Variants in DIS3L2 observed in about 807,000 individuals in gnomAD.
The protein encoded by DIS3L2 is DIS3-like exonuclease 2.
Under a neutral mutation model 97.5 loss-of-function variants are expected in DIS3L2, and 34 were observed. The ratio of observed to expected loss-of-function variants is 0.35; its 90% CI spans 0.27 to 0.46. The LOEUF (loss-of-function observed/expected upper bound fraction) is 0.46, where lower values mean the gene tolerates loss of function less well. Among genes scored for constraint, DIS3L2 ranks in the 20% least tolerant of loss-of-function variants. The pLI is 1.00. For synonymous variants in DIS3L2, 435 were observed against 445.2 expected (o/e 0.98, Z 0.29); for missense variants, 1,038 against 1,146.0 (o/e 0.91, Z 1.36).
chr2:232,000,992 T>C (rs935811593), intron 1 of DIS3L2, among the ~76,000 whole-genome samples: 2 of 152,106 alleles, frequency 1.3e-5, no homozygotes, highest in African/African-American at 2.4e-5. Context: ...TCTTGGCTAT[T>C]GAGAATAATA....
intron 9 of DIS3L2, among the ~76,000 whole-genome samples, chr2:232,170,855 G>C (rs1690965740): frequency 6.6e-6 from 1 of 152,082 alleles, no homozygotes; most frequent in Admixed American, 6.6e-5. Flanking sequence ...TGTCACTCCA[G>C]GTAAAACCAA....
At position 231,975,995 on chromosome 2, in the gene DIS3L2, T is replaced by TAC. The variant is rs200951402; in HGVS notation, c.-94+14243_-94+14244dup. Among the ~76,000 whole-genome samples, 223 of 151,274 alleles carry TAC rather than the reference T, an allele frequency of 1.5e-3. 1 individual carries two copies. The highest frequency in any genetic ancestry group is 4.9e-3 in the African/African-American group (203 of 41,284). On this transcript the variant is annotated intron_variant, in intron 1 of 20. Transcript: ENST00000325385. Reference sequence around the variant, plus strand: ...TTTCTCTCTTAGACATACACACACATACACACACACACACCCCTGTTTAAG... The same window carrying TAC: ...TTTCTCTCTTAGACATACACACACATACACACACACACACACCCCTGTTTAAG...
chr2:232,329,880 G>A lies in DIS3L2; in HGVS notation c.1807G>A (p.Glu603Lys), dbSNP rs779500558. The A allele has an allele frequency of 3.5e-5, 50 of 1,421,104 alleles. 2 individuals are homozygous for A. Among genetic ancestry groups the A allele is most frequent in the Middle Eastern group, 2.0e-4 (1 of 5,058 alleles). 88.0% of individuals were successfully genotyped at this position (1,421,104 alleles called of 1,614,324 possible). A position where few individuals can be genotyped will look rare whatever the true frequency, so the allele number is the denominator to read the frequency against. ...CCACAAGATCCACCGCGCCTTCCCC[G>A]AGCAGGCCCTGCTGCGCCGGCACCC... ...VAHKIHRAFP[E>K]QALLRRHPPP... Residue 603 changes from glutamate (E) to lysine (K), a missense_variant, in exon 15 of 21, where the codon GAG becomes AAG. Coordinates refer to ENST00000325385, the MANE Select transcript of DIS3L2 (RefSeq NM_152383.5).
intron 1 of DIS3L2, among the ~76,000 whole-genome samples, chr2:231,964,012 CCTGA>C (rs1465540837): frequency 1.3e-5 from 2 of 152,308 alleles, no homozygotes; most frequent in Non-Finnish European, 2.9e-5. Flanking sequence ...AGCTACTGTG[CCTGA>C]CTGAGGTCTT....
chr2:232,049,070 G>A (rs1218647117), intron 5 of DIS3L2, among the ~76,000 whole-genome samples: 2 of 152,106 alleles, frequency 1.3e-5, no homozygotes, highest in Non-Finnish European at 2.9e-5. Flanking sequence ...CACATGGAAT[G>A]CATTCAGTGA....
intron 9 of DIS3L2, among the ~76,000 whole-genome samples, chr2:232,181,016 A>G (rs1574929460): frequency 1.4e-5 from 1 of 71,158 alleles, no homozygotes; most frequent in Non-Finnish European, 2.7e-5. Flanking sequence ...GGTGGTGACA[A>G]AATCTCTCAG....
chr2:232,327,040 C>T (rs569176964), intron 14 of DIS3L2, among the ~76,000 whole-genome samples: 6 of 152,286 alleles, frequency 3.9e-5, no homozygotes, highest in African/African-American at 7.2e-5. Flanking sequence ...TCCTTGTCCT[C>T]GTGTTTACTG....
intron 10 of DIS3L2, among the ~76,000 whole-genome samples, chr2:232,224,126 T>C (rs1692577734): frequency 6.6e-6 from 1 of 152,138 alleles, no homozygotes; most frequent in African/African-American, 2.4e-5. Context: ...TATGCTGAAA[T>C]AATAAATGTT....
chr2:232,053,678 T>C (rs1399001416), intron 5 of DIS3L2, among the ~76,000 whole-genome samples: 1 of 152,196 alleles, frequency 6.6e-6, no homozygotes, highest in Non-Finnish European at 1.5e-5. Context: ...TACCAGTTTA[T>C]TATAAAGGAT....
At chr2:232,341,964 T>A (rs764185459), downstream of DIS3L2, among the ~76,000 whole-genome samples, 3 of 152,186 alleles carry the variant, frequency 2.0e-5, no homozygotes, top group African/African-American at 4.8e-5. Context: ...GAGGCCTCAG[T>A]ACACACAGGC....
At chr2:232,231,066 G>A (rs1692779499) in intron 10 of DIS3L2, among the ~76,000 whole-genome samples, 1 of 152,102 alleles carries the variant, frequency 6.6e-6, no homozygotes, top group Non-Finnish European at 1.5e-5. Flanking sequence ...CCAGACATTC[G>A]CTGTTTTATT....
In DIS3L2 at chr2:232,177,392, C is replaced by T. The variant is rs1327713137; in HGVS notation, c.1124+13760C>T. ...CCTGAGGAATCGCCACACTGACTTC[C>T]ACAATGGTTGAACTAGTTTACAGTC... On this transcript the variant is annotated intron_variant, in intron 9 of 20. Coordinates refer to ENST00000325385, the MANE Select transcript of DIS3L2 (RefSeq NM_152383.5). Among the ~76,000 whole-genome samples the T allele has an allele frequency of 1.2e-3, 126 of 105,548 alleles. 1 individual carries two copies. Among genetic ancestry groups the T allele is most frequent in the African/African-American group, 4.5e-3 (119 of 26,724 alleles). The allele number at this position is 105,548 out of a possible 152,430, so 69.2% of individuals were successfully genotyped here. A position where few individuals can be genotyped will look rare whatever the true frequency, so the allele number is the denominator to read the frequency against.
intron 13 of DIS3L2, among the ~76,000 whole-genome samples, chr2:232,270,184 C>G (rs906822792): frequency 1.3e-5 from 2 of 152,024 alleles, no homozygotes; most frequent in Non-Finnish European, 1.5e-5. Context: ...CTCTCCGGTC[C>G]CCTCTTCTTC....
At chr2:232,220,352 A>C (rs572565576) in intron 10 of DIS3L2, among the ~76,000 whole-genome samples, 4 of 151,988 alleles carry the variant, frequency 2.6e-5, no homozygotes, top group South Asian at 4.2e-4. Flanking sequence ...ATAAATAAAT[A>C]AATAAACAAA....
intron 1 of DIS3L2, among the ~76,000 whole-genome samples, chr2:231,980,019 C>G (rs753563274): frequency 4.6e-5 from 7 of 152,114 alleles, no homozygotes; most frequent in Non-Finnish European, 7.4e-5. Context: ...CTCTCTGTTT[C>G]CTTCTAATGA....
intron 11 of DIS3L2, among the ~76,000 whole-genome samples, chr2:232,239,252 C>T (rs1410716630): frequency 6.6e-6 from 1 of 152,238 alleles, no homozygotes; most frequent in Non-Finnish European, 1.5e-5. Flanking sequence ...ACAGATTCAT[C>T]TCAAAACATC....
Position 232,163,582 on chromosome 2 carries a change from C to T in DIS3L2, c.1074C>T (p.Gly358=), listed in dbSNP as rs774646353. Residue 358 remains glycine (G), a synonymous_variant, in exon 9 of 21, where the codon GGC becomes GGT. Coordinates refer to ENST00000325385, the MANE Select transcript of DIS3L2 (RefSeq NM_152383.5). ...SSEVLECLPQ[G]LPWTIPPEEF... ...AAGTTCTAGAATGTCTTCCTCAAGG[C>T]CTGCCATGGACAATTCCACCAGAGG... 6.2e-7 allele frequency: 1 copy of T among 1,614,050 alleles called. No individual in the cohort carries two copies. The highest frequency in any genetic ancestry group is 8.5e-7 in the Non-Finnish European group (1 of 1,180,008).
intron 9 of DIS3L2, among the ~76,000 whole-genome samples, chr2:232,203,941 G>C (rs185888864): frequency 6.6e-6 from 1 of 152,294 alleles, no homozygotes; most frequent in East Asian, 1.9e-4. Flanking sequence ...GAAGAATTTA[G>C]CACACGAGGG....
intron 13 of DIS3L2, among the ~76,000 whole-genome samples, chr2:232,299,823 A>G (rs1210373614): frequency 1.3e-5 from 2 of 152,258 alleles, no homozygotes; most frequent in Non-Finnish European, 2.9e-5. Flanking sequence ...TATTGGTTGC[A>G]TGCTGAATGA....
Sources: gnomAD v4.1 joint callset for allele counts (sites outside exome capture counted in the v4.1 genomes callset) on GRCh38, gnomAD v4.1.1 for gene constraint, MANE v1.5 for transcripts, NCBI Gene and HGNC (gene_info 2026-07-23, HGNC 2026-07-21) for gene names.